RPS6KC1: variants seen among roughly 807,000 people sequenced by gnomAD.
RPS6KC1 encodes the protein inactive ribosomal protein S6 kinase delta-1.
In RPS6KC1, 54 loss-of-function variants were observed where a neutral mutation model predicts 103.8. The ratio of observed to expected loss-of-function variants is 0.52; its 90% CI spans 0.42 to 0.65. The LOEUF is 0.65. RPS6KC1 is among the 30% of genes least tolerant of loss of function. RPS6KC1 has a pLI of 0.00. For synonymous variants in RPS6KC1, 439 were observed against 438.7 expected (o/e 1.00, Z -0.01); for missense variants, 1,151 against 1,253.8 (o/e 0.92, Z 1.24).
At chr1:213,470,414 G>A in the RPS6KC1 span, among the ~76,000 whole-genome samples, 90 of 152,172 alleles carry the variant, frequency 5.9e-4, no homozygotes, top group Non-Finnish European at 1.2e-3. Context: ...TGGTTTGACC[G>A]GATTGAATGT....
chr1:213,550,079 T>G, the RPS6KC1 span, among the ~76,000 whole-genome samples: 1 of 152,126 alleles, frequency 6.6e-6, no homozygotes, highest in Non-Finnish European at 1.5e-5. Flanking sequence ...TGTGCTGAAG[T>G]CATCATTTAA....
At chr1:213,562,489 A>T in the RPS6KC1 span, among the ~76,000 whole-genome samples, 6 of 144,860 alleles carry the variant, frequency 4.1e-5, no homozygotes, top group East Asian at 1.3e-3. Context: ...TCCCGGGTTC[A>T]CGCCATTCTC....
At chr1:213,765,043 G>A in the RPS6KC1 span, among the ~76,000 whole-genome samples, 1 of 152,164 alleles carries the variant, frequency 6.6e-6, no homozygotes, top group Non-Finnish European at 1.5e-5. Flanking sequence ...GCAGGCCTAG[G>A]CCACCAGCCC....
At chr1:213,411,232 G>A in the RPS6KC1 span, among the ~76,000 whole-genome samples, 1 of 152,158 alleles carries the variant, frequency 6.6e-6, no homozygotes, top group African/African-American at 2.4e-5. Flanking sequence ...TAGAGGCTGA[G>A]GAAAGTCACA....
chr1:213,338,784 T>TC, the RPS6KC1 span, among the ~76,000 whole-genome samples: 2 of 151,850 alleles, frequency 1.3e-5, no homozygotes, highest in African/African-American at 4.8e-5. Context: ...TTTTTTTTTT[T>TC]TTGAGAGACA....
chr1:213,373,504 A>G, the RPS6KC1 span, among the ~76,000 whole-genome samples: 2 of 152,256 alleles, frequency 1.3e-5, no homozygotes, highest in African/African-American at 4.8e-5. Flanking sequence ...CATGAAATAA[A>G]AAATAAAAAA....
At chr1:213,679,159 G>A in the RPS6KC1 span, among the ~76,000 whole-genome samples, 1 of 152,148 alleles carries the variant, frequency 6.6e-6, no homozygotes, top group Non-Finnish European at 1.5e-5. Flanking sequence ...AGTATAAAAC[G>A]AGCCAAGTAA....
chr1:213,692,784 T>C, the RPS6KC1 span, among the ~76,000 whole-genome samples: 11 of 152,232 alleles, frequency 7.2e-5, no homozygotes, highest in African/African-American at 2.7e-4. Flanking sequence ...ATCAGGAAGC[T>C]GCTGATCACC....
At chr1:213,525,281 TG>T in the RPS6KC1 span, among the ~76,000 whole-genome samples, 1 of 152,080 alleles carries the variant, frequency 6.6e-6, no homozygotes. Flanking sequence ...ATATCAGCTG[TG>T]GGGGTGTAAG....
chr1:213,233,038 A>G lies in RPS6KC1; in HGVS notation c.1225+783A>G, dbSNP rs138863631. 1.1e-4 allele frequency among the ~76,000 whole-genome samples: 17 copies of G among 152,344 alleles called. No homozygotes were observed. The East Asian group carries it at 3.3e-3, about 29-fold the overall frequency. Reference sequence around the variant, plus strand: ...AAGGCATTGTTATTTTTGTATAACTATTGTACTTTACTAATAGGCATAACA... The same window carrying G: ...AAGGCATTGTTATTTTTGTATAACTGTTGTACTTTACTAATAGGCATAACA... On this transcript the variant is annotated intron_variant, in intron 10 of 14. Coordinates refer to ENST00000366960, the MANE Select transcript of RPS6KC1 (RefSeq NM_012424.6).
the RPS6KC1 span, among the ~76,000 whole-genome samples, chr1:213,538,959 T>C: frequency 6.6e-6 from 1 of 152,172 alleles, no homozygotes; most frequent in Non-Finnish European, 1.5e-5. Flanking sequence ...AGGACAGATA[T>C]TATTATCCCC....
the RPS6KC1 span, among the ~76,000 whole-genome samples, chr1:213,601,370 T>C: frequency 6.8e-6 from 1 of 147,926 alleles, no homozygotes; most frequent in Non-Finnish European, 1.5e-5. Context: ...TTTATAAACA[T>C]ATTTAAATAT....
intron 2 of RPS6KC1, among the ~76,000 whole-genome samples, chr1:213,073,865 G>A (rs527301637): frequency 2.0e-5 from 3 of 152,012 alleles, no homozygotes; most frequent in East Asian, 1.9e-4. Flanking sequence ...TAGTAGAGAC[G>A]GGGTTTTACC....
At chr1:213,698,120 TATA>T in the RPS6KC1 span, among the ~76,000 whole-genome samples, 1 of 152,236 alleles carries the variant, frequency 6.6e-6, no homozygotes, top group African/African-American at 2.4e-5. Context: ...ATTTTTGACT[TATA>T]ATACTTTCGA....
chr1:213,631,576 A>T, the RPS6KC1 span, among the ~76,000 whole-genome samples: 6 of 152,234 alleles, frequency 3.9e-5, no homozygotes, highest in Admixed American at 3.9e-4. Context: ...TTCTATACAA[A>T]AATTATAATC....
At chr1:213,308,896 G>T in the RPS6KC1 span, among the ~76,000 whole-genome samples, 1 of 152,196 alleles carries the variant, frequency 6.6e-6, no homozygotes, top group Non-Finnish European at 1.5e-5. Flanking sequence ...TCTTGCAGAA[G>T]ACCTCAGCTT....
chr1:213,358,090 C>T, the RPS6KC1 span, among the ~76,000 whole-genome samples: 1 of 152,140 alleles, frequency 6.6e-6, no homozygotes. Context: ...TTGGTCTAAA[C>T]TTCTCTTTTT....
At chr1:213,465,091 C>A in the RPS6KC1 span, among the ~76,000 whole-genome samples, 1 of 152,172 alleles carries the variant, frequency 6.6e-6, no homozygotes. Context: ...CAAGGGCAGT[C>A]CTAGATCCAG....
intron 6 of RPS6KC1, among the ~76,000 whole-genome samples, chr1:213,144,628 G>A (rs757874229): frequency 3.9e-5 from 6 of 151,954 alleles, no homozygotes; most frequent in Admixed American, 6.6e-5. Flanking sequence ...GAAATTCATC[G>A]TGACTTGGTT....
Sources: allele counts gnomAD v4.1 joint callset (sites outside exome capture counted in the v4.1 genomes callset), GRCh38; gene constraint gnomAD v4.1.1; transcripts MANE v1.5; gene names NCBI Gene and HGNC (gene_info 2026-07-23, HGNC 2026-07-21).